SMTNL2: variants seen among roughly 807,000 people sequenced by gnomAD.
The protein encoded by SMTNL2 is smoothelin-like protein 2.
In SMTNL2, 43 loss-of-function variants were observed where a neutral mutation model predicts 44.1. The ratio of observed to expected loss-of-function variants is 0.98; its 90% CI spans 0.76 to 1.26. The LOEUF is 1.26. SMTNL2 is among the 50% of genes most tolerant of loss of function. The pLI is 0.00. For missense variants in SMTNL2, 646 were observed against 670.2 expected, an observed-to-expected ratio of 0.96 and a Z score of 0.40; for synonymous variants, 317 against 287.6, an observed-to-expected ratio of 1.10 and a Z score of -1.03.
Position 4,595,863 on chromosome 17 carries a change from G to A in SMTNL2, c.989+536G>A, listed in dbSNP as rs943153903. On this transcript the variant is annotated intron_variant, in intron 5 of 7. Transcript: ENST00000389313. The surrounding 1 kb of genome is among the most constrained non-coding windows in gnomAD (Gnocchi z 5.1). ...ACCTTTGCATATTCAGCCAGTCCTC[G>A]TGTCAGTGCATGGTATTGATGCCTG... 5.3e-5 allele frequency among the ~76,000 whole-genome samples: 8 copies of A among 152,244 alleles called. No individual in the cohort carries two copies. The highest frequency in any genetic ancestry group is 1.7e-4 in the African/African-American group (7 of 41,460).
intron 7 of SMTNL2, among the ~76,000 whole-genome samples, chr17:4,602,085 T>C (rs1431022176): frequency 1.3e-5 from 2 of 152,122 alleles, no homozygotes; most frequent in African/African-American, 4.8e-5. Flanking sequence ...TTTTAGATTT[T>C]GGAATATTTG....
intron 7 of SMTNL2, among the ~76,000 whole-genome samples, chr17:4,601,104 C>T (rs974439117): frequency 4.6e-5 from 7 of 152,220 alleles, no homozygotes; most frequent in Non-Finnish European, 1.0e-4. Flanking sequence ...AGCAAAGACA[C>T]TTTAAAAATG....
chr17:4,584,417 T>G (rs1254803789), upstream of SMTNL2: 9 of 512,438 alleles, frequency 1.8e-5, no homozygotes, highest in Non-Finnish European at 5.9e-6. Flanking sequence ...ACCGTCCCGC[T>G]GGGCTCCAGG....
chr17:4,602,582 C>T (rs1910095467), intron 7 of SMTNL2, among the ~76,000 whole-genome samples: 1 of 152,098 alleles, frequency 6.6e-6, no homozygotes, highest in African/African-American at 2.4e-5. Context: ...CTCAGCCTCC[C>T]AAAGTGCTGG....
chr17:4,605,152 G>GTTT (rs1597419061), intron 7 of SMTNL2, among the ~76,000 whole-genome samples: 1 of 119,804 alleles, frequency 8.3e-6, no homozygotes, highest in African/African-American at 3.5e-5. Context: ...TTTTTTGTTT[G>GTTT]GTTTTTTTTT....
intron 7 of SMTNL2, among the ~76,000 whole-genome samples, chr17:4,605,818 CA>C (rs146188104): frequency 0.048 from 7,358 of 152,214 alleles, 477 homozygotes; most frequent in African/African-American, 0.15. Flanking sequence ...ATCTGGTGCC[CA>C]GGGGACCCAG....
At position 4,599,580 on chromosome 17, in the gene SMTNL2, T is replaced by C. The variant is rs113053412; in HGVS notation, c.1259+2257T>C. 8.5e-3 allele frequency among the ~76,000 whole-genome samples: 1,287 copies of C among 152,270 alleles called. 17 individuals are homozygous for C. Among genetic ancestry groups the C allele is most frequent in the Non-Finnish European group, 0.014 (924 of 67,996 alleles). ...AGGATTCTTCCTTGTCTAAGTCCAGTGATGCCCGCTTATGCCCTGGTCACC... is the reference window on the plus strand; with the variant it reads ...AGGATTCTTCCTTGTCTAAGTCCAGCGATGCCCGCTTATGCCCTGGTCACC... On this transcript the variant is annotated intron_variant, in intron 7 of 7. Coordinates refer to ENST00000389313, the MANE Select transcript of SMTNL2 (RefSeq NM_001114974.2).
intron 1 of SMTNL2, among the ~76,000 whole-genome samples, chr17:4,588,678 C>A (rs1567631630): frequency 6.6e-6 from 1 of 152,258 alleles, no homozygotes; most frequent in Non-Finnish European, 1.5e-5. Flanking sequence ...AGTCCCCCGC[C>A]TTTTCCTCAC....
At position 4,596,456 on chromosome 17, in the gene SMTNL2, T is replaced by C. The variant is rs75992615; in HGVS notation, c.990-404T>C. Among the ~76,000 whole-genome samples, 1,150 of 152,268 alleles carry C rather than the reference T, an allele frequency of 7.6e-3. 47 individuals carry two copies. In the East Asian group the frequency reaches 0.083, roughly 11 times the overall value. On this transcript the variant is annotated intron_variant, in intron 5 of 7. Transcript: ENST00000389313. The stretch of plus-strand genomic sequence containing the variant: ...AGCCATCAGGGAAGGAGGCACCCCA[T>C]TAAGAGGGGAGCTCAGAAGGAGGAG...
At chr17:4,587,507 G>A (rs556048454) in intron 1 of SMTNL2, among the ~76,000 whole-genome samples, 5 of 152,292 alleles carry the variant, frequency 3.3e-5, no homozygotes, top group African/African-American at 7.2e-5. Context: ...CGGGGCTCAG[G>A]GTGAGACTGG....
At chr17:4,601,310 G>T (rs1348623909) in intron 7 of SMTNL2, among the ~76,000 whole-genome samples, 1 of 152,020 alleles carries the variant, frequency 6.6e-6, no homozygotes, top group Non-Finnish European at 1.5e-5. Flanking sequence ...AGCTACTTGG[G>T]AGGCTGAAGT....
Position 4,607,350 on chromosome 17 carries a change from G to T in SMTNL2, c.1260-11G>T, listed in dbSNP as rs755207311. ...TGGGACCACCGTTCTGACGGGGCTT[G>T]TGTGTTTCAGGAATCTGGCCAACTG... On this transcript the variant is annotated splice_polypyrimidine_tract_variant and intron_variant, in intron 7 of 7. Coordinates refer to ENST00000389313, the MANE Select transcript of SMTNL2 (RefSeq NM_001114974.2). The surrounding 1 kb of genome is among the most constrained non-coding windows in gnomAD (Gnocchi z 4.7). 3.1e-6 allele frequency: 5 copies of T among 1,614,064 alleles called. No individual in the cohort carries two copies. The highest frequency in any genetic ancestry group is 2.2e-5 in the East Asian group (1 of 44,882).
At chr17:4,599,931 C>G (rs867476837) in intron 7 of SMTNL2, among the ~76,000 whole-genome samples, 1 of 152,150 alleles carries the variant, frequency 6.6e-6, no homozygotes, top group African/African-American at 2.4e-5. Context: ...CCTGGGCCTG[C>G]TCCAGCTGTG....
At position 4,595,072 on chromosome 17, in the gene SMTNL2, T is replaced by G; in HGVS notation, c.807-73T>G. On this transcript the variant is annotated intron_variant, in intron 4 of 7. Transcript: ENST00000389313. The surrounding 1 kb of genome is among the most constrained non-coding windows in gnomAD (Gnocchi z 5.1). ...GCTGCCTTGTCCACACTCAGTGCAA[T>G]GGAGACCTTGGGGCCTGGTGAGCTA... 1.2e-6 allele frequency: 2 copies of G among 1,602,882 alleles called. No individual in the cohort carries two copies. The highest frequency in any genetic ancestry group is 1.7e-6 in the Non-Finnish European group (2 of 1,172,372).
intron 3 of SMTNL2, 71 bp from the exon 4 acceptor site, chr17:4,593,751 G>A (rs1191365427): frequency 1.3e-6 from 2 of 1,503,774 alleles, no homozygotes; most frequent in Middle Eastern, 1.7e-4. Flanking sequence ...GGCTGGGTCA[G>A]AGGAAGGGAG....
chr17:4,595,332 G>A lies in SMTNL2; in HGVS notation c.989+5G>A, dbSNP rs775368119. 63 of 1,611,248 alleles carry A rather than the reference G, an allele frequency of 3.9e-5. 1 individual carries two copies. The Middle Eastern group carries it at 5.0e-4, about 13-fold the overall frequency. ...GCAGGAAACGGCGGCCGGCAAGTAC[G>A]GATGCCCACTCACAGACAGGCCCGG... On this transcript the variant is annotated splice_donor_5th_base_variant and intron_variant, in intron 5 of 7. Coordinates refer to ENST00000389313, the MANE Select transcript of SMTNL2 (RefSeq NM_001114974.2). This position sits in a 1 kb window ranked among gnomAD's most constrained non-coding sequence, Gnocchi z 5.1.
rs749054818 is a variant in SMTNL2, at chr17:4,597,281, C to A, written c.1217C>A (p.Thr406Lys). 1 of 1,614,162 alleles carries A rather than the reference C, an allele frequency of 6.2e-7. No individual in the cohort carries two copies. The highest frequency in any genetic ancestry group is 1.7e-5 in the Admixed American group (1 of 60,024). The change falls in exon 7 of 8, where the codon ACG becomes AAG. Residue 406 changes from threonine to lysine, a missense_variant. By Grantham distance (78) the Thr-to-Lys change is moderately conservative. Transcript: ENST00000389313. ...DAFDYNSLSP[T>K]QRQKNFELAF... The stretch of plus-strand genomic sequence containing the variant: ...TTTGACTACAACTCCCTGAGCCCCA[C>A]GCAGAGGCAGAAGAACTTCGAGCTG...
In SMTNL2 at chr17:4,593,175, T is replaced by C; in HGVS notation, c.730+4T>C. On this transcript the variant is annotated splice_donor_region_variant and intron_variant, in intron 3 of 7. Coordinates refer to ENST00000389313, the MANE Select transcript of SMTNL2 (RefSeq NM_001114974.2). ...CCCTGGACTCCCAGTCCTAGCGGTA[T>C]GAGCTGGAGAGCGTGGCCTTGGGGC... The C allele has an allele frequency of 6.3e-7, 1 of 1,584,086 alleles. No homozygotes were observed. Among genetic ancestry groups the C allele is most frequent in the Non-Finnish European group, 8.6e-7 (1 of 1,159,332 alleles).
chr17:4,596,965 G>A lies in SMTNL2; in HGVS notation c.1095G>A (p.Thr365=), dbSNP rs547597629. Residue 365 remains threonine, a synonymous_variant, in exon 6 of 8, where the codon ACG becomes ACA. Transcript: ENST00000389313. ...TGCTCGAGTGGTGCCGCAGCAAGAC[G>A]CTGGGCTACCAGGTGAGCCCCGGCT... The part of the protein sequence containing the change: ...QILLEWCRSK[T]LGYQHVDLQN... 55 of 1,513,618 alleles carry A rather than the reference G, an allele frequency of 3.6e-5. No individual in the cohort carries two copies. Among genetic ancestry groups the A allele is most frequent in the South Asian group, 1.6e-4 (13 of 81,420 alleles). The allele number at this position is 1,513,618 out of a possible 1,614,324, so 93.8% of individuals were successfully genotyped here.
Sources: gnomAD v4.1 joint callset for allele counts (sites outside exome capture counted in the v4.1 genomes callset) on GRCh38, gnomAD v4.1.1 for gene constraint, Gnocchi (gnomAD v3.1) non-coding constraint, MANE v1.5 for transcripts, NCBI Gene and HGNC (gene_info 2026-07-23, HGNC 2026-07-21) for gene names.